SMARCA1: variants seen among roughly 807,000 people sequenced by gnomAD.
SMARCA1 encodes the protein SNF2 related chromatin remodeling ATPase 1.
In SMARCA1, 17 loss-of-function variants were observed where a neutral mutation model predicts 93.6. The ratio of observed to expected loss-of-function variants is 0.18; its 90% confidence interval spans 0.12 to 0.27. The LOEUF is 0.27. Among genes scored for constraint, SMARCA1 ranks in the 10% least tolerant of loss-of-function variants. The pLI is 1.00. For synonymous variants in SMARCA1, 271 were observed against 271.4 expected, an observed-to-expected ratio of 1.00 and a Z score of 0.01; for missense variants, 630 against 819.0, an observed-to-expected ratio of 0.77 and a Z score of 2.82.
intron 6 of SMARCA1, among the ~76,000 whole-genome samples, chrX:129,510,955 G>A (rs1027767281): frequency 3.6e-5 from 4 of 110,682 alleles, no homozygotes; most frequent in Admixed American, 2.9e-4. Flanking sequence ...AAAATGATAA[G>A]GATAAAATTA....
At chrX:129,479,628 A>C (rs1159986907) in intron 19 of SMARCA1, among the ~76,000 whole-genome samples, 1 of 110,496 alleles carries the variant, frequency 9.1e-6, no homozygotes, top group Admixed American at 9.7e-5. Context: ...AAAACAGAAC[A>C]CTTCATAAAA....
intron 12 of SMARCA1, among the ~76,000 whole-genome samples, chrX:129,493,980 T>C (rs776836344): frequency 1.1e-4 from 12 of 111,539 alleles, no homozygotes; most frequent in Non-Finnish European, 2.1e-4. Flanking sequence ...CTTCTTCTTA[T>C]TGGGAAAATA....
rs778942415 is a variant in SMARCA1 at position 129,515,837 on chromosome X, T to C, written c.530-50A>G. 2.6e-6 allele frequency: 3 copies of C among 1,159,208 alleles called. No homozygotes were observed. The South Asian group carries it at 5.4e-5, about 21-fold the overall frequency. Reference sequence around the variant, plus strand: ...TCATACTTTCATTAACATACTCAAGTAAAATTTTTCTAAAACTAAATTGAA... The same window carrying C: ...TCATACTTTCATTAACATACTCAAGCAAAATTTTTCTAAAACTAAATTGAA... On this transcript the variant is annotated intron_variant, in intron 4 of 24. Transcript: ENST00000371121.
At chrX:129,496,611 A>G (rs1934339201) in intron 12 of SMARCA1, 139 bp downstream of exon 12, 1 of 479,025 alleles carries the variant, frequency 2.1e-6, no homozygotes, top group East Asian at 3.7e-5. Context: ...CTGAAGATTG[A>G]AGAGAGAAAG....
At chrX:129,459,708 C>T (rs1470088261) in intron 23 of SMARCA1, among the ~76,000 whole-genome samples, 1 of 112,416 alleles carries the variant, frequency 8.9e-6, no homozygotes, top group African/African-American at 3.2e-5. Flanking sequence ...AACCCACTGG[C>T]ATAATTTGCT....
chrX:129,453,118 A>C (rs1291476196), intron 23 of SMARCA1, among the ~76,000 whole-genome samples: 1 of 110,975 alleles, frequency 9.0e-6, no homozygotes, highest in African/African-American at 3.3e-5. Flanking sequence ...TCCCTCCCTC[A>C]CGCTTCTATT....
intron 1 of SMARCA1, 163 bp from the exon 2 acceptor site, chrX:129,518,610 C>A: frequency 3.0e-6 from 1 of 335,858 alleles, no homozygotes; most frequent in Non-Finnish European, 5.2e-6. Flanking sequence ...CAAAACAAGG[C>A]TTATGATTAA....
chrX:129,457,651 C>T (rs1284931706), intron 23 of SMARCA1, among the ~76,000 whole-genome samples: 1 of 112,174 alleles, frequency 8.9e-6, no homozygotes, highest in Non-Finnish European at 1.9e-5. Flanking sequence ...CTGAATTCTT[C>T]CAATGATGGA....
chrX:129,490,754 C>T (rs1039282699), intron 14 of SMARCA1, among the ~76,000 whole-genome samples: 3 of 109,990 alleles, frequency 2.7e-5, no homozygotes, highest in Non-Finnish European at 5.7e-5. Context: ...TTTTAAAACA[C>T]AGAAGCTGCT....
Position 129,508,075 on chromosome X carries a change from T to C in SMARCA1, c.832A>G (p.Met278Val), listed in dbSNP as rs1934888558. The change falls in exon 7 of 25, where the codon ATG (methionine) becomes GTG (valine). Residue 278 changes from methionine to valine, a missense_variant. Physicochemically the swap from Met to Val is conservative, Grantham distance 21. Coordinates refer to ENST00000371121, the MANE Select transcript of SMARCA1 (RefSeq NM_001282874.2). ...CAAACATCCCACTCTCCTGGCATCA[T>C]TTCATCACGAATAAAAGCAGCCTAA... ...DARAAFIRDE[M>V]MPGEWDVCVT... 3 of 1,169,529 alleles carry C rather than the reference T, an allele frequency of 2.6e-6. No individual in the cohort carries two copies. The highest frequency in any genetic ancestry group is 1.8e-5 in the African/African-American group (1 of 55,577).
chrX:129,499,550 C>T (rs991847853), intron 10 of SMARCA1, among the ~76,000 whole-genome samples, 182 bp downstream of exon 10: 7 of 111,943 alleles, frequency 6.3e-5, no homozygotes, highest in Non-Finnish European at 7.5e-5. Context: ...AAAACCTATA[C>T]TCTTTTCAAA....
intron 23 of SMARCA1, among the ~76,000 whole-genome samples, chrX:129,450,675 AT>A (rs1426654696): frequency 9.0e-6 from 1 of 111,315 alleles, no homozygotes; most frequent in Non-Finnish European, 1.9e-5. Flanking sequence ...TATTATTATT[AT>A]TATATATATA....
chrX:129,506,940 C>T (rs1051006870), intron 7 of SMARCA1, among the ~76,000 whole-genome samples: 14 of 110,489 alleles, frequency 1.3e-4, no homozygotes, highest in Non-Finnish European at 2.1e-4. Flanking sequence ...AGAATTGAGC[C>T]GATTTTCCCA....
At chrX:129,447,539 G>C (rs1044090870) in intron 24 of SMARCA1, among the ~76,000 whole-genome samples, 4 of 110,863 alleles carry the variant, frequency 3.6e-5, no homozygotes, top group African/African-American at 1.3e-4. Context: ...ATGTTTTCTG[G>C]GCAAAATTTT....
intron 16 of SMARCA1, among the ~76,000 whole-genome samples, chrX:129,488,084 T>C (rs1420186914): frequency 9.0e-6 from 1 of 110,748 alleles, no homozygotes; most frequent in Non-Finnish European, 1.9e-5. Context: ...ACTTCGGGGC[T>C]CATTATACTA....
At chrX:129,520,123 T>C (rs900119822) in intron 1 of SMARCA1, among the ~76,000 whole-genome samples, 3 of 94,094 alleles carry the variant, frequency 3.2e-5, no homozygotes, top group Non-Finnish European at 6.3e-5. Flanking sequence ...AATACCTACC[T>C]TCTAAACCTT....
intron 5 of SMARCA1, among the ~76,000 whole-genome samples, chrX:129,515,253 G>A (rs1473706825): frequency 9.0e-6 from 1 of 110,948 alleles, no homozygotes; most frequent in Non-Finnish European, 1.9e-5. Context: ...GCTGGGTGCT[G>A]TGGCTCACAC....
intron 5 of SMARCA1, among the ~76,000 whole-genome samples, chrX:129,513,739 T>G (rs947977875): frequency 9.1e-6 from 1 of 109,622 alleles, no homozygotes; most frequent in Non-Finnish European, 1.9e-5. Context: ...CCTCCCCCTC[T>G]GAGCTGACAA....
At chrX:129,492,129 G>C (rs991894083) in intron 13 of SMARCA1, 36 bp from the exon 14 acceptor site, 5 of 921,444 alleles carry the variant, frequency 5.4e-6, no homozygotes, top group Non-Finnish European at 7.6e-6. Flanking sequence ...AGAAGAAAAA[G>C]AGAAAAATAA....
Sources: allele counts gnomAD v4.1 joint callset (sites outside exome capture counted in the v4.1 genomes callset), GRCh38; gene constraint gnomAD v4.1.1; transcripts MANE v1.5; gene names NCBI Gene and HGNC (gene_info 2026-07-23, HGNC 2026-07-21).